The following MAST2 variants were observed in gnomAD, a reference collection of about 807,000 sequenced individuals.
The protein encoded by MAST2 is microtubule associated serine/threonine kinase 2, also known as microtubule-associated serine/threonine-protein kinase 2.
MAST2 carries 70 observed loss-of-function variants against 147.4 expected under a neutral mutation model. The observed-to-expected ratio is 0.47, with a 90% CI of 0.39 to 0.58. The LOEUF is 0.58. MAST2 is among the 20% of genes least tolerant of loss of function. MAST2 has a pLI of 0.00. For synonymous variants in MAST2, 869 were observed against 896.8 expected (o/e 0.97, Z 0.55); for missense variants, 2,080 against 2,302.3 (o/e 0.90, Z 1.98).
At chr1:45,916,392 C>T (rs940797988) in intron 4 of MAST2, among the ~76,000 whole-genome samples, 4 of 152,042 alleles carry the variant, frequency 2.6e-5, no homozygotes, top group Admixed American at 6.6e-5. Context: ...TATCATGTGT[C>T]GTTTCTACTA....
chr1:46,016,710 G>A (rs1645960919), intron 10 of MAST2, among the ~76,000 whole-genome samples: 1 of 152,206 alleles, frequency 6.6e-6, no homozygotes, highest in Admixed American at 6.5e-5. Context: ...ATGCTCATGG[G>A]TAGGAAGAAT....
chr1:45,901,079 C>T (rs777712373), intron 4 of MAST2, among the ~76,000 whole-genome samples: 2 of 151,996 alleles, frequency 1.3e-5, no homozygotes, highest in Non-Finnish European at 2.9e-5. Context: ...TTTGCCTAGG[C>T]CAATGTCCAT....
intron 3 of MAST2, among the ~76,000 whole-genome samples, chr1:45,868,525 A>ACC (rs199731961): frequency 1.3e-4 from 19 of 145,884 alleles, no homozygotes; most frequent in Non-Finnish European, 9.1e-5. Context: ...ATTTTTATGC[A>ACC]CCCCCCCCAA....
chr1:45,837,226 T>G (rs1448145342), intron 3 of MAST2, among the ~76,000 whole-genome samples: 1 of 152,160 alleles, frequency 6.6e-6, no homozygotes, highest in Non-Finnish European at 1.5e-5. Context: ...GGACCTGGTA[T>G]AGAATATATC....
At chr1:45,909,579 G>A (rs563861088) in intron 4 of MAST2, among the ~76,000 whole-genome samples, 2 of 151,756 alleles carry the variant, frequency 1.3e-5, no homozygotes, top group African/African-American at 4.8e-5. Flanking sequence ...GAGTGCAGTG[G>A]TGTGGTCAAT....
intron 9 of MAST2, among the ~76,000 whole-genome samples, chr1:46,009,146 C>T (rs1401857395): frequency 2.3e-4 from 35 of 152,140 alleles, no homozygotes; most frequent in Admixed American, 2.0e-3. Context: ...CCTCTGCCTC[C>T]GGGGTTCAGA....
intron 3 of MAST2, among the ~76,000 whole-genome samples, chr1:45,854,954 G>A (rs1460503402): frequency 6.6e-6 from 1 of 152,208 alleles, no homozygotes; most frequent in South Asian, 2.1e-4. Flanking sequence ...GAGGCAGGTG[G>A]GAAGGAGTGT....
At chr1:46,004,709 T>G (rs1160789719) in intron 7 of MAST2, among the ~76,000 whole-genome samples, 3 of 152,248 alleles carry the variant, frequency 2.0e-5, no homozygotes, top group Non-Finnish European at 4.4e-5. Context: ...AAAGAAATGC[T>G]GATTTCTCAC....
intron 1 of MAST2, among the ~76,000 whole-genome samples, chr1:45,814,900 G>C (rs1644406819): frequency 6.6e-6 from 1 of 152,076 alleles, no homozygotes; most frequent in South Asian, 2.1e-4. Context: ...TCCCCTTCAG[G>C]GAAACTTTTA....
At chr1:45,854,372 G>T (rs1645722363) in intron 3 of MAST2, among the ~76,000 whole-genome samples, 1 of 151,196 alleles carries the variant, frequency 6.6e-6, no homozygotes, top group Non-Finnish European at 1.5e-5. Flanking sequence ...TATTTGTGTG[G>T]TTTATTTCTG....
Position 45,976,456 on chromosome 1 carries a change from G to A in MAST2, c.592+16979G>A, listed in dbSNP as rs59669845. Among the ~76,000 whole-genome samples the A allele has an allele frequency of 6.7e-3, 1,023 of 152,206 alleles. 12 individuals are homozygous for A. Among genetic ancestry groups the A allele is most frequent in the African/African-American group, 0.024 (987 of 41,528 alleles). ...TATTAAAAATACAAAAATTATCCAG[G>A]CATAGTGGCACATGCCTGTAATCCC... is the stretch of plus-strand genomic sequence containing the variant. On this transcript the variant is annotated intron_variant, in intron 5 of 28. Transcript: ENST00000361297.
intron 19 of MAST2, 59 bp from the exon 20 acceptor site, chr1:46,029,772 C>G (rs1646563798): frequency 1.3e-6 from 2 of 1,590,096 alleles, no homozygotes; most frequent in Non-Finnish European, 1.7e-6. Flanking sequence ...GCTAGATTTG[C>G]TGACCTAGAC....
rs900444301 is a variant in MAST2, at chr1:46,030,821, C to T, written c.2708+60C>T. On this transcript the variant is annotated intron_variant, in intron 22 of 28. Coordinates refer to ENST00000361297, the MANE Select transcript of MAST2 (RefSeq NM_015112.3). ...CAGCTATCCCTGCATTGTCACAGAT[C>T]ATGGGAGAGATTCCGATGCCAGGGA... is the stretch of plus-strand genomic sequence containing the variant. The T allele has an allele frequency of 1.7e-5, 26 of 1,499,492 alleles. 1 individual carries two copies. The Admixed American group carries it at 5.5e-4, about 32-fold the overall frequency. The allele number at this position is 1,499,492 out of a possible 1,614,324, so 92.9% of individuals were successfully genotyped here.
chr1:45,898,167 A>G (rs1434009118), intron 4 of MAST2, among the ~76,000 whole-genome samples: 1 of 152,134 alleles, frequency 6.6e-6, no homozygotes, highest in Non-Finnish European at 1.5e-5. Flanking sequence ...TATAGTAGTT[A>G]TACAAGTGCG....
intron 2 of MAST2, among the ~76,000 whole-genome samples, chr1:45,825,177 C>T (rs1347655179): frequency 6.6e-6 from 1 of 152,102 alleles, no homozygotes; most frequent in Non-Finnish European, 1.5e-5. Flanking sequence ...AGGCATCCGC[C>T]ACCATGCCTG....
chr1:45,893,401 T>C (rs1006457279), intron 4 of MAST2, among the ~76,000 whole-genome samples: 1 of 151,798 alleles, frequency 6.6e-6, no homozygotes, highest in Non-Finnish European at 1.5e-5. Context: ...TATTTTATTT[T>C]AATTTTTTGC....
chr1:45,960,171 C>T (rs923947531), intron 5 of MAST2, among the ~76,000 whole-genome samples: 6 of 152,086 alleles, frequency 3.9e-5, no homozygotes, highest in South Asian at 2.1e-4. Flanking sequence ...GGGCTCTTCC[C>T]GACAGTATAA....
intron 4 of MAST2, among the ~76,000 whole-genome samples, chr1:45,949,571 G>C (rs1302900020): frequency 6.6e-6 from 1 of 152,144 alleles, no homozygotes; most frequent in African/African-American, 2.4e-5. Context: ...AAAAATAACA[G>C]ATGCTGGCAA....
intron 4 of MAST2, among the ~76,000 whole-genome samples, chr1:45,945,753 G>T (rs891597994): frequency 6.6e-6 from 1 of 152,190 alleles, no homozygotes; most frequent in East Asian, 1.9e-4. Context: ...TCAACCACTA[G>T]CTCTCAAAGC....
Sources: allele counts gnomAD v4.1 joint callset (sites outside exome capture counted in the v4.1 genomes callset), GRCh38; gene constraint gnomAD v4.1.1; transcripts MANE v1.5; gene names NCBI Gene and HGNC (gene_info 2026-07-23, HGNC 2026-07-21).